Variants in TSGA10 observed in about 807,000 individuals in gnomAD.
TSGA10 encodes the protein testis specific 10.
Under a neutral mutation model 96.6 loss-of-function variants are expected in TSGA10, and 43 were observed. The observed-to-expected ratio is 0.44, with a 90% CI of 0.35 to 0.57. The LOEUF (loss-of-function observed/expected upper bound fraction) is 0.57, where lower values mean the gene tolerates loss of function less well. TSGA10 is among the 20% of genes least tolerant of loss of function. The pLI, the probability that TSGA10 is intolerant of heterozygous loss-of-function variation, is 0.01. For synonymous variants in TSGA10, 229 were observed against 269.9 expected (o/e 0.85, Z 1.48); for missense variants, 703 against 834.4 (o/e 0.84, Z 1.94).
intron 16 of TSGA10, among the ~76,000 whole-genome samples, chr2:99,062,128 C>A (rs755297607): frequency 1.3e-5 from 2 of 151,978 alleles, no homozygotes; most frequent in Non-Finnish European, 2.9e-5. Context: ...TTTGAGAGAT[C>A]AAGAATACAA....
Position 99,108,506 on chromosome 2 carries a change from T to TAA in TSGA10, c.210+325_210+326dup, listed in dbSNP as rs569937058. Among the ~76,000 whole-genome samples, 19 of 152,174 alleles carry TAA rather than the reference T, an allele frequency of 1.2e-4. No individual in the cohort carries two copies. The East Asian group carries it at 3.5e-3, about 28-fold the overall frequency. On this transcript the variant is annotated intron_variant, in intron 7 of 20. Transcript: ENST00000393483. Reference sequence around the variant, plus strand: ...GTGATAAGGTGTGGCAAGTTCAAGGTAAAAAGGTCAGGATTTGATCTTTTT... The same window carrying TAA: ...GTGATAAGGTGTGGCAAGTTCAAGGTAAAAAAAGGTCAGGATTTGATCTTTTT...
intron 20 of TSGA10, among the ~76,000 whole-genome samples, chr2:99,011,572 T>C (rs1166704152): frequency 6.6e-6 from 1 of 152,060 alleles, no homozygotes; most frequent in Non-Finnish European, 1.5e-5. Flanking sequence ...AGAAAAGAAA[T>C]CTAAAAGTTT....
At chr2:99,084,479 G>C (rs940103777) in intron 10 of TSGA10, among the ~76,000 whole-genome samples, 1 of 152,124 alleles carries the variant, frequency 6.6e-6, no homozygotes, top group African/African-American at 2.4e-5. Context: ...TGATGCACTG[G>C]CTCCCCCTTT....
intron 16 of TSGA10, among the ~76,000 whole-genome samples, chr2:99,043,852 C>G (rs1205672487): frequency 6.6e-6 from 1 of 152,104 alleles, no homozygotes; most frequent in Non-Finnish European, 1.5e-5. Context: ...TGCTACAAGC[C>G]AGAAGAGAGT....
chr2:99,082,966 T>TA (rs2087712721), intron 10 of TSGA10, among the ~76,000 whole-genome samples: 1 of 151,020 alleles, frequency 6.6e-6, no homozygotes, highest in Non-Finnish European at 1.5e-5. Flanking sequence ...AAATACAGAA[T>TA]AGACACTGTG....
chr2:99,032,481 T>A (rs747471883), intron 17 of TSGA10, among the ~76,000 whole-genome samples: 23 of 152,192 alleles, frequency 1.5e-4, no homozygotes, highest in Non-Finnish European at 2.5e-4. Flanking sequence ...AGTGAAACCA[T>A]GAAACCTTCA....
chr2:99,029,905 G>C (rs779762894), intron 17 of TSGA10, among the ~76,000 whole-genome samples: 19 of 152,170 alleles, frequency 1.2e-4, no homozygotes, highest in Admixed American at 2.0e-4. Context: ...GGCAAGAAAA[G>C]GCAAACAGAT....
chr2:99,105,271 T>C (rs2091222177), intron 9 of TSGA10, 88 bp downstream of exon 9: 1 of 1,153,820 alleles, frequency 8.7e-7, no homozygotes, highest in Non-Finnish European at 1.2e-6. Context: ...AAAAATAAAA[T>C]AACTTCTCTG....
chr2:99,055,860 CAAAAAAAAAA>C (rs59969222), intron 16 of TSGA10, among the ~76,000 whole-genome samples: 4 of 90,814 alleles, frequency 4.4e-5, no homozygotes, highest in African/African-American at 1.6e-4. Context: ...ATCCAATTAA[CAAAAAAAAAA>C]AAAAAAAAAG....
chr2:99,001,628 A>G (rs1430323047), intron 20 of TSGA10, among the ~76,000 whole-genome samples: 1 of 152,170 alleles, frequency 6.6e-6, no homozygotes, highest in Non-Finnish European at 1.5e-5. Context: ...CTGGACAGAG[A>G]ATGACTTTAA....
intron 1 of TSGA10, among the ~76,000 whole-genome samples, chr2:99,128,701 T>C (rs2105008260): frequency 6.6e-6 from 1 of 152,294 alleles, no homozygotes; most frequent in East Asian, 1.9e-4. Flanking sequence ...TGTAATTTTG[T>C]CCCTTCCTAC....
In TSGA10 at chr2:99,063,738, G is replaced by C. The variant is rs577370774; in HGVS notation, c.1404+1201C>G. 2.0e-5 allele frequency among the ~76,000 whole-genome samples: 3 copies of C among 147,398 alleles called. No homozygotes were observed. The East Asian group carries it at 5.8e-4, about 29-fold the overall frequency. ...GGAGAATCACTTGAATCTGGAAAGC[G>C]GAGGTTGCAGTGAGCCAAGATCACG... On this transcript the variant is annotated intron_variant, in intron 16 of 20. Coordinates refer to ENST00000393483, the MANE Select transcript of TSGA10 (RefSeq NM_025244.4).
At chr2:99,150,663 A>G (rs779133098) in intron 1 of TSGA10, 2 of 1,614,132 alleles carry the variant, frequency 1.2e-6, no homozygotes, top group Non-Finnish European at 8.5e-7. Flanking sequence ...GCAGGTTGGA[A>G]CCAGCGACTC....
At chr2:99,011,223 C>A (rs2078975475) in intron 20 of TSGA10, among the ~76,000 whole-genome samples, 1 of 152,174 alleles carries the variant, frequency 6.6e-6, no homozygotes, top group East Asian at 1.9e-4. Flanking sequence ...ACCTCCGACA[C>A]CCGGGTTCAA....
At chr2:99,023,258 C>T (rs1223175881) in intron 17 of TSGA10, among the ~76,000 whole-genome samples, 2 of 152,118 alleles carry the variant, frequency 1.3e-5, no homozygotes, top group Non-Finnish European at 2.9e-5. Flanking sequence ...TCTAGGCCTC[C>T]CAAAGTGCTA....
chr2:99,147,521 T>C, intron 1 of TSGA10: 1 of 1,604,814 alleles, frequency 6.2e-7, no homozygotes, highest in East Asian at 2.2e-5. Context: ...AAGTCTACCC[T>C]ATTATACTTG....
intron 10 of TSGA10, among the ~76,000 whole-genome samples, chr2:99,100,794 T>C (rs1363456140): frequency 4.9e-5 from 6 of 122,304 alleles, no homozygotes; most frequent in Non-Finnish European, 9.6e-5. Flanking sequence ...CACTCCAGCC[T>C]GGGCAACAGA....
At position 99,056,529 on chromosome 2, in the gene TSGA10, A is replaced by C. The variant is rs1322748889; in HGVS notation, c.1404+8410T>G. On this transcript the variant is annotated intron_variant, in intron 16 of 20. Coordinates refer to ENST00000393483, the MANE Select transcript of TSGA10 (RefSeq NM_025244.4). ...CATGAAAAATAGACTATCTGTATAG[A>C]TCTATAACAACAAAGAAATTGATTA... 2.0e-5 allele frequency among the ~76,000 whole-genome samples: 3 copies of C among 152,178 alleles called. No homozygotes were observed. The South Asian group carries it at 6.2e-4, about 32-fold the overall frequency.
At position 99,093,204 on chromosome 2, in the gene TSGA10, C is replaced by G. The variant is rs540986478; in HGVS notation, c.611+10763G>C. On this transcript the variant is annotated intron_variant, in intron 10 of 20. Transcript: ENST00000393483. Reference sequence around the variant, plus strand: ...AAGGCATCTGACAAAATCCAGCATCCCTTTATGATTAAATCCCTCAGCAAA... The same window carrying G: ...AAGGCATCTGACAAAATCCAGCATCGCTTTATGATTAAATCCCTCAGCAAA... 9.2e-5 allele frequency among the ~76,000 whole-genome samples: 14 copies of G among 152,162 alleles called. No individual in the cohort carries two copies. In the East Asian group the frequency reaches 1.4e-3, roughly 15 times the overall value.
Sources: allele counts gnomAD v4.1 joint callset (sites outside exome capture counted in the v4.1 genomes callset), GRCh38; gene constraint gnomAD v4.1.1; transcripts MANE v1.5; gene names NCBI Gene and HGNC (gene_info 2026-07-23, HGNC 2026-07-21).